CADM2: variants seen among roughly 807,000 people sequenced by gnomAD.
CADM2 encodes cell adhesion molecule 2.
In CADM2, 12 loss-of-function variants were observed where a neutral mutation model predicts 49.8. That is an observed-to-expected ratio of 0.24 (90% CI 0.15 to 0.39). The LOEUF (loss-of-function observed/expected upper bound fraction) is 0.39, where lower values mean the gene tolerates loss of function less well. Ranked by LOEUF, CADM2 falls within the 10% of genes least tolerant of loss-of-function variation. The pLI is 1.00. For missense variants in CADM2, 378 were observed against 492.3 expected, an observed-to-expected ratio of 0.77 and a Z score of 2.20; for synonymous variants, 214 against 175.4, an observed-to-expected ratio of 1.22 and a Z score of -1.74.
At chr3:85,677,697 A>T (rs2065924261) in intron 1 of CADM2, among the ~76,000 whole-genome samples, 1 of 152,198 alleles carries the variant, frequency 6.6e-6, no homozygotes, top group South Asian at 2.1e-4. Context: ...ATTCTGAATG[A>T]ACTCTAAGTA....
chr3:85,145,538 G>A (rs2039712159), intron 1 of CADM2, among the ~76,000 whole-genome samples: 1 of 151,778 alleles, frequency 6.6e-6, no homozygotes, highest in East Asian at 1.9e-4. Flanking sequence ...GGCTTTTCAG[G>A]ATTATCATAA....
intron 8 of CADM2, among the ~76,000 whole-genome samples, chr3:85,968,679 G>C (rs1213519277): frequency 6.6e-6 from 1 of 151,542 alleles, no homozygotes; most frequent in Non-Finnish European, 1.5e-5. Context: ...GTGGCACTCG[G>C]TCCTTCTATA....
intron 1 of CADM2, among the ~76,000 whole-genome samples, chr3:85,061,702 A>G (rs974547086): frequency 5.9e-5 from 9 of 152,134 alleles, no homozygotes; most frequent in Non-Finnish European, 4.4e-5. Flanking sequence ...ACTTCCTAGT[A>G]CATCTTAGAC....
At chr3:85,174,634 C>T (rs1430695580) in intron 1 of CADM2, among the ~76,000 whole-genome samples, 2 of 151,764 alleles carry the variant, frequency 1.3e-5, no homozygotes, top group South Asian at 4.1e-4. Flanking sequence ...ATTATTTTGC[C>T]TTTTAATTGC....
chr3:85,958,880 A>G (rs936027377), intron 7 of CADM2, among the ~76,000 whole-genome samples: 1 of 151,850 alleles, frequency 6.6e-6, no homozygotes, highest in African/African-American at 2.4e-5. Flanking sequence ...GGGGAACAAC[A>G]CAAACTGGAG....
chr3:85,391,134 A>G (rs1237794506), intron 1 of CADM2, among the ~76,000 whole-genome samples: 1 of 152,074 alleles, frequency 6.6e-6, no homozygotes, highest in Non-Finnish European at 1.5e-5. Flanking sequence ...TGAGTTTGCC[A>G]GTCGTTTACT....
At chr3:85,081,827 T>C (rs1206012736) in intron 1 of CADM2, among the ~76,000 whole-genome samples, 1 of 152,146 alleles carries the variant, frequency 6.6e-6, no homozygotes, top group Non-Finnish European at 1.5e-5. Flanking sequence ...TCTGTCTTGG[T>C]ATAAAGAAGG....
chr3:85,552,430 G>T (rs974462598), intron 1 of CADM2, among the ~76,000 whole-genome samples: 2 of 143,194 alleles, frequency 1.4e-5, no homozygotes, highest in Non-Finnish European at 3.0e-5. Flanking sequence ...GCCCAGGCTG[G>T]AGTGCAGTGG....
chr3:85,021,863 G>A (rs1006765892), intron 1 of CADM2, among the ~76,000 whole-genome samples: 2 of 152,180 alleles, frequency 1.3e-5, no homozygotes, highest in South Asian at 2.1e-4. Context: ...TGTGAAACAC[G>A]TGTTATAATC....
chr3:85,446,968 T>C (rs900850422), intron 1 of CADM2, among the ~76,000 whole-genome samples: 9 of 136,812 alleles, frequency 6.6e-5, no homozygotes, highest in African/African-American at 2.4e-4. Flanking sequence ...AATATTTAAA[T>C]GACTTAAGCC....
intron 3 of CADM2, 139 bp downstream of exon 3, chr3:85,802,335 T>A: frequency 1.4e-6 from 1 of 721,302 alleles, no homozygotes; most frequent in Non-Finnish European, 2.1e-6. Flanking sequence ...TGTTAAATAT[T>A]AAATACTTTA....
At chr3:85,655,295 G>A (rs1049187677) in intron 1 of CADM2, among the ~76,000 whole-genome samples, 2 of 151,784 alleles carry the variant, frequency 1.3e-5, no homozygotes, top group African/African-American at 4.8e-5. Context: ...CAAGTAGCTG[G>A]GACTCCAGGC....
chr3:85,445,246 A>G (rs542942403), intron 1 of CADM2, among the ~76,000 whole-genome samples: 2 of 152,280 alleles, frequency 1.3e-5, no homozygotes, highest in East Asian at 3.9e-4. Flanking sequence ...GCAATTTTTC[A>G]TTAAACTAGG....
intron 8 of CADM2, among the ~76,000 whole-genome samples, chr3:86,030,518 A>G (rs1734428004): frequency 6.6e-6 from 1 of 152,002 alleles, no homozygotes; most frequent in African/African-American, 2.4e-5. Flanking sequence ...CTTAGGATAT[A>G]TGTCCATATC....
intron 1 of CADM2, among the ~76,000 whole-genome samples, chr3:85,027,386 C>G (rs574995099): frequency 6.6e-6 from 1 of 152,042 alleles, no homozygotes; most frequent in Non-Finnish European, 1.5e-5. Context: ...GCTGGGATTA[C>G]AGGCGTAAGC....
Position 86,012,714 on chromosome 3 carries a change from G to A in CADM2, c.970+51067G>A, listed in dbSNP as rs1211798841. On this transcript the variant is annotated intron_variant, in intron 8 of 9. Transcript: ENST00000383699. ...GAAGATAAAACACCTGATCGGCTGG[G>A]CGCGTTGACTCACGCCTGTAATCCC... 3.0e-6 allele frequency: 3 copies of A among 1,011,030 alleles called. No individual in the cohort carries two copies. In the Admixed American group the frequency reaches 5.3e-5, roughly 18 times the overall value. 62.6% of individuals were successfully genotyped at this position (1,011,030 alleles called of 1,614,324 possible).
chr3:85,761,659 G>C (rs1222287184), intron 2 of CADM2, among the ~76,000 whole-genome samples: 1 of 152,076 alleles, frequency 6.6e-6, no homozygotes, highest in African/African-American at 2.4e-5. Flanking sequence ...ACAGGCGTGA[G>C]CCACCACGCC....
At chr3:85,034,816 C>CTTTTTTTTTTTTTTTTTTTT (rs2035143600) in intron 1 of CADM2, among the ~76,000 whole-genome samples, 1 of 82,270 alleles carries the variant, frequency 1.2e-5, no homozygotes, top group African/African-American at 6.4e-5. Context: ...TTTTTTTTTA[C>CTTTTTTTTTTTTTTTTTTTT]CTCCTGAGAC....
At chr3:85,276,544 C>A (rs2043361410) in intron 1 of CADM2, among the ~76,000 whole-genome samples, 1 of 151,130 alleles carries the variant, frequency 6.6e-6, no homozygotes, top group African/African-American at 2.4e-5. Flanking sequence ...TATTGATTTT[C>A]CCACTTAGCA....
Sources: allele counts gnomAD v4.1 joint callset (sites outside exome capture counted in the v4.1 genomes callset), GRCh38; gene constraint gnomAD v4.1.1; transcripts MANE v1.5; gene names NCBI Gene and HGNC (gene_info 2026-07-23, HGNC 2026-07-21).